The following ASCC2 variants were observed in gnomAD, a reference collection of about 807,000 sequenced individuals.
ASCC2 encodes the protein ASC-1 complex subunit P100.
ASCC2 carries 42 observed loss-of-function variants against 93.5 expected under a neutral mutation model. The ratio of observed to expected loss-of-function variants is 0.45; its 90% CI spans 0.35 to 0.58. The LOEUF (loss-of-function observed/expected upper bound fraction) is 0.58. Ranked by LOEUF, ASCC2 falls within the 20% of genes least tolerant of loss-of-function variation. The pLI, the probability that ASCC2 is intolerant of heterozygous loss-of-function variation, is 0.00. For synonymous variants in ASCC2, 364 were observed against 384.2 expected (o/e 0.95, Z 0.62); for missense variants, 859 against 977.6 (o/e 0.88, Z 1.62).
At chr22:29,835,068 C>G (rs1477033000) in intron 1 of ASCC2, among the ~76,000 whole-genome samples, 1 of 152,148 alleles carries the variant, frequency 6.6e-6, no homozygotes, top group Non-Finnish European at 1.5e-5. Flanking sequence ...GCCCCACAGT[C>G]CAGGCCTAGA....
At chr22:29,803,768 G>C (rs2059367548) in intron 13 of ASCC2, among the ~76,000 whole-genome samples, 1 of 152,208 alleles carries the variant, frequency 6.6e-6, no homozygotes, top group Non-Finnish European at 1.5e-5. Flanking sequence ...CTGCTAAGAA[G>C]CGAAATGGGG....
chr22:29,813,541 T>A lies in ASCC2; in HGVS notation c.722A>T (p.Glu241Val). The change falls in exon 8 of 20, where the codon GAA (glutamate) becomes GTA (valine). Residue 241 changes from glutamate to valine, a missense_variant and splice_region_variant. Glu to Val is a moderately radical substitution (Grantham distance 121). Coordinates refer to ENST00000307790, the MANE Select transcript of ASCC2 (RefSeq NM_032204.5). ...RLTPSDMPLL[E>V]LKDIVLYLCD... ...AAGGTAGAGAACAATGTCCTTTAAT[T>A]CCTGTTGCCAAAAGAATACACTGCA... 6.3e-7 allele frequency: 1 copy of A among 1,598,672 alleles called. No individual in the cohort carries two copies. The highest frequency in any genetic ancestry group is 8.6e-7 in the Non-Finnish European group (1 of 1,166,088).
At chr22:29,831,636 C>T (rs140826050) in intron 2 of ASCC2, among the ~76,000 whole-genome samples, 54 of 152,270 alleles carry the variant, frequency 3.5e-4, no homozygotes, top group African/African-American at 1.2e-3. Context: ...GGGAAAACAA[C>T]AAGTGGGTAT....
At chr22:29,822,716 CTTT>C (rs748997801) in intron 4 of ASCC2, among the ~76,000 whole-genome samples, 2 of 93,022 alleles carry the variant, frequency 2.2e-5, no homozygotes, top group Non-Finnish European at 4.3e-5. Flanking sequence ...ATTATCATGT[CTTT>C]TTTTTTTTTT....
At position 29,825,534 on chromosome 22, in the gene ASCC2, A is replaced by G; in HGVS notation, c.240+88T>C. 6.4e-7 allele frequency: 1 copy of G among 1,572,920 alleles called. No homozygotes were observed. The highest frequency in any genetic ancestry group is 8.7e-7 in the Non-Finnish European group (1 of 1,145,094). On this transcript the variant is annotated intron_variant, in intron 3 of 19. Coordinates refer to ENST00000307790, the MANE Select transcript of ASCC2 (RefSeq NM_032204.5). The surrounding 1 kb of genome is among the most constrained non-coding windows in gnomAD (Gnocchi z 4.9). ...CAGTGAAAGAAGTAGACAAAAAAGCACCTCCTAGGGGAAGAAAAACAACAA... is the reference window on the plus strand; with the variant it reads ...CAGTGAAAGAAGTAGACAAAAAAGCGCCTCCTAGGGGAAGAAAAACAACAA...
intron 9 of ASCC2, among the ~76,000 whole-genome samples, chr22:29,807,665 A>T (rs1569391680): frequency 1.3e-5 from 2 of 151,664 alleles, no homozygotes; most frequent in Non-Finnish European, 2.9e-5. Flanking sequence ...GAGAACATAT[A>T]TTTTTTTTAA....
chr22:29,804,306 A>G (rs2059424471), intron 13 of ASCC2, among the ~76,000 whole-genome samples: 1 of 152,166 alleles, frequency 6.6e-6, no homozygotes. Flanking sequence ...CAACCAAAGG[A>G]GCTCCACTTT....
In ASCC2 at chr22:29,790,519, C is replaced by T. The variant is rs1327784983; in HGVS notation, c.2052G>A (p.Val684=). The change falls in exon 19 of 20, where the codon GTG becomes GTA. Residue 684 remains valine (V), a synonymous_variant. Coordinates refer to ENST00000307790, the MANE Select transcript of ASCC2 (RefSeq NM_032204.5). ...KPDHFVQDPA[V]LREKAEARRM... ...GCCTGGCTTCTGCCTTCTCTCTCAG[C>T]ACTGCAGGGTCCTGAACAAAATGGT... 6.2e-7 allele frequency: 1 copy of T among 1,614,026 alleles called. No homozygotes were observed. Among genetic ancestry groups the T allele is most frequent in the Non-Finnish European group, 8.5e-7 (1 of 1,180,040 alleles).
chr22:29,799,898 C>T (rs1232948379), intron 15 of ASCC2, among the ~76,000 whole-genome samples: 1 of 152,216 alleles, frequency 6.6e-6, no homozygotes, highest in Non-Finnish European at 1.5e-5. Flanking sequence ...AGTGATCTTA[C>T]TGCCTCAGCC....
chr22:29,822,375 G>A lies in ASCC2; in HGVS notation c.501C>T (p.Leu167=). 1.2e-6 allele frequency: 2 copies of A among 1,614,050 alleles called. No homozygotes were observed. The highest frequency in any genetic ancestry group is 1.7e-6 in the Non-Finnish European group (2 of 1,179,974). Residue 167 remains leucine (L), a synonymous_variant, in exon 5 of 20, where the codon CTC becomes CTT. Transcript: ENST00000307790. ...DIPKILDLCV[L]FGKGNSPLLQ... ...GCAGTGGTGAGTTGCCTTTTCCAAA[G>A]AGCACGCAGAGGTCCAGGATCTTTG... is the stretch of plus-strand genomic sequence containing the variant.
At chr22:29,806,195 T>C (rs1200880557) in intron 12 of ASCC2, 21 bp downstream of exon 12, 1 of 1,612,632 alleles carries the variant, frequency 6.2e-7, no homozygotes, top group Non-Finnish European at 8.5e-7. Flanking sequence ...CCTGTCGTAG[T>C]GGGCTATGGT....
chr22:29,830,465 C>A (rs2062990326), intron 2 of ASCC2, among the ~76,000 whole-genome samples: 1 of 152,184 alleles, frequency 6.6e-6, no homozygotes, highest in African/African-American at 2.4e-5. Flanking sequence ...CCAGGTCCAG[C>A]CTTCTCCTGT....
intron 10 of ASCC2, 85 bp from the exon 11 acceptor site, chr22:29,806,638 G>C: frequency 6.8e-7 from 1 of 1,474,736 alleles, no homozygotes; most frequent in African/African-American, 1.4e-5. Flanking sequence ...CCTCTTTAAG[G>C]CTGGGGCCCA....
At chr22:29,837,389 C>T (rs1024811535) in intron 1 of ASCC2, among the ~76,000 whole-genome samples, 1 of 152,106 alleles carries the variant, frequency 6.6e-6, no homozygotes, top group Non-Finnish European at 1.5e-5. Flanking sequence ...GACGAGATCA[C>T]GCCACTGCAC....
At chr22:29,818,052 G>C (rs1459878489) in intron 5 of ASCC2, among the ~76,000 whole-genome samples, 1 of 151,474 alleles carries the variant, frequency 6.6e-6, no homozygotes, top group African/African-American at 2.4e-5. Context: ...AAAAAATTAG[G>C]TGGGGGATTG....
chr22:29,797,768 T>G lies in ASCC2; in HGVS notation c.1688+3223A>C, dbSNP rs5997525. ...ACAGACACTTAAAATAAAATTTTAATTATTATTATTTTTTGAGACAGGGTT... is the reference window on the plus strand; with the variant it reads ...ACAGACACTTAAAATAAAATTTTAAGTATTATTATTTTTTGAGACAGGGTT... On this transcript the variant is annotated intron_variant, in intron 15 of 19. Coordinates refer to ENST00000307790, the MANE Select transcript of ASCC2 (RefSeq NM_032204.5). Among the ~76,000 whole-genome samples the G allele has an allele frequency of 1.0e-3, 155 of 152,276 alleles. 2 individuals carry two copies. Among genetic ancestry groups the G allele is most frequent in the African/African-American group, 3.7e-3 (152 of 41,554 alleles).
rs774487012 is a variant in ASCC2, at chr22:29,801,046, A to C, written c.1633T>G (p.Phe545Val). 1 of 1,609,366 alleles carries C rather than the reference A, an allele frequency of 6.2e-7. No individual in the cohort carries two copies. Among genetic ancestry groups the C allele is most frequent in the Non-Finnish European group, 8.5e-7 (1 of 1,176,472 alleles). The change falls in exon 15 of 20, where the codon TTT (phenylalanine) becomes GTT (valine). Residue 545 changes from phenylalanine to valine, a missense_variant. Physicochemically the swap from Phe to Val is conservative, Grantham distance 50. Transcript: ENST00000307790. ...ACTGAGTCCCTGCTGAACACATCAA[A>C]CTCGTCATTCTGGAAGACGTTGTGG... ...SRHNVFQNDE[F>V]DVFSRDSVDL...
chr22:29,795,998 A>C (rs2058380086), intron 15 of ASCC2, among the ~76,000 whole-genome samples: 2 of 152,084 alleles, frequency 1.3e-5, no homozygotes, highest in Non-Finnish European at 2.9e-5. Context: ...CTTTTGGTGC[A>C]GGGAGAGGCA....
intron 2 of ASCC2, among the ~76,000 whole-genome samples, chr22:29,830,260 G>A (rs1032758350): frequency 3.3e-5 from 5 of 152,124 alleles, no homozygotes; most frequent in East Asian, 1.9e-4. Context: ...TATTATTATC[G>A]CTTTTGGATT....
Sources: allele counts gnomAD v4.1 joint callset (sites outside exome capture counted in the v4.1 genomes callset), GRCh38; gene constraint gnomAD v4.1.1; non-coding constraint Gnocchi (gnomAD v3.1); transcripts MANE v1.5; gene names NCBI Gene and HGNC (gene_info 2026-07-23, HGNC 2026-07-21).